STXBP5L: variants seen among roughly 807,000 people sequenced by gnomAD.
The protein encoded by STXBP5L is syntaxin binding protein 5L.
STXBP5L carries 65 observed loss-of-function variants against 144.5 expected under a neutral mutation model. The observed-to-expected ratio is 0.45, with a 90% confidence interval of 0.37 to 0.55. STXBP5L has a LOEUF of 0.55. Among genes scored for constraint, STXBP5L ranks in the 20% least tolerant of loss-of-function variants. The pLI is 0.00. For missense variants in STXBP5L, 1,298 were observed against 1,405.5 expected (o/e 0.92, Z 1.22); for synonymous variants, 505 against 469.6 (o/e 1.08, Z -0.97).
chr3:121,284,046 T>C (rs1366930999), intron 19 of STXBP5L, among the ~76,000 whole-genome samples: 1 of 151,998 alleles, frequency 6.6e-6, no homozygotes, highest in Non-Finnish European at 1.5e-5. Flanking sequence ...GAAGCTAAAT[T>C]GGAGACTGAA....
intron 9 of STXBP5L, among the ~76,000 whole-genome samples, chr3:121,163,364 T>C (rs2046388577): frequency 6.6e-6 from 1 of 151,166 alleles, no homozygotes; most frequent in South Asian, 2.1e-4. Context: ...AAGTGGGGAA[T>C]TGAGCAGTGA....
At chr3:121,389,182 G>C (rs1026164319) in intron 22 of STXBP5L, among the ~76,000 whole-genome samples, 1 of 152,160 alleles carries the variant, frequency 6.6e-6, no homozygotes, top group Non-Finnish European at 1.5e-5. Context: ...TTGCGTAGAG[G>C]TGTTTATAGT....
At chr3:121,209,122 T>C (rs2048455194) in intron 10 of STXBP5L, among the ~76,000 whole-genome samples, 1 of 152,168 alleles carries the variant, frequency 6.6e-6, no homozygotes, top group Admixed American at 6.5e-5. Context: ...AGCTGCACAG[T>C]ATTATTCCAT....
intron 18 of STXBP5L, 31 bp from the exon 19 acceptor site, chr3:121,279,774 A>G: frequency 6.2e-7 from 1 of 1,606,700 alleles, no homozygotes; most frequent in African/African-American, 1.3e-5. Context: ...TTGTTGTGAT[A>G]CATTCTAGTT....
At chr3:121,189,822 T>A (rs147260417) in intron 9 of STXBP5L, among the ~76,000 whole-genome samples, 138 of 152,286 alleles carry the variant, frequency 9.1e-4, no homozygotes, top group Middle Eastern at 3.4e-3. Context: ...ATAATTTGCG[T>A]GTGAATAAAA....
chr3:121,270,421 T>C (rs1360360669), intron 18 of STXBP5L, among the ~76,000 whole-genome samples: 2 of 152,078 alleles, frequency 1.3e-5, no homozygotes, highest in East Asian at 1.9e-4. Context: ...TTAGTTTTCA[T>C]TTCTTCTTAG....
chr3:121,104,283 G>A (rs1026610247), intron 5 of STXBP5L, among the ~76,000 whole-genome samples: 4 of 152,116 alleles, frequency 2.6e-5, no homozygotes, highest in African/African-American at 9.7e-5. Flanking sequence ...TCATGCTCAT[G>A]GATGGGTAGA....
intron 20 of STXBP5L, among the ~76,000 whole-genome samples, chr3:121,347,748 G>T (rs560611777): frequency 2.0e-5 from 3 of 151,962 alleles, no homozygotes; most frequent in African/African-American, 4.8e-5. Context: ...TCATGATTTG[G>T]CTCTCTTTTT....
At chr3:121,267,441 C>G (rs1188082661) in intron 18 of STXBP5L, among the ~76,000 whole-genome samples, 2 of 152,122 alleles carry the variant, frequency 1.3e-5, no homozygotes, top group Admixed American at 6.6e-5. Context: ...AACATAAGAC[C>G]TGAAACTATA....
At chr3:120,957,588 A>T (rs533408522) in intron 3 of STXBP5L, among the ~76,000 whole-genome samples, 2 of 152,008 alleles carry the variant, frequency 1.3e-5, no homozygotes, top group South Asian at 4.2e-4. Flanking sequence ...CTGCTTTTCA[A>T]TTTTTTTCTT....
chr3:121,198,299 T>G (rs1187926597), intron 9 of STXBP5L, among the ~76,000 whole-genome samples: 1 of 152,234 alleles, frequency 6.6e-6, no homozygotes, highest in Non-Finnish European at 1.5e-5. Context: ...TTTTGAGAAG[T>G]GTCTGTTCAC....
rs141798371 is a variant in STXBP5L, at chr3:121,280,594, A to C, written c.2110+638A>C. Among the ~76,000 whole-genome samples the C allele has an allele frequency of 4.5e-3, 690 of 152,100 alleles. 4 individuals are homozygous for C. Among genetic ancestry groups the C allele is most frequent in the African/African-American group, 0.016 (659 of 41,560 alleles). ...TTAGGATTTAATGCCAAACTTTGAT[A>C]TGCCAATTATCCAAAGTTTTACTGA... On this transcript the variant is annotated intron_variant, in intron 19 of 26. Coordinates refer to ENST00000471454, the MANE Select transcript of STXBP5L (RefSeq NM_001308330.2).
intron 9 of STXBP5L, among the ~76,000 whole-genome samples, chr3:121,184,339 A>C (rs1270685386): frequency 6.6e-6 from 1 of 152,026 alleles, no homozygotes; most frequent in Non-Finnish European, 1.5e-5. Flanking sequence ...GAAATTGCTA[A>C]CTAGAATAAC....
intron 2 of STXBP5L, among the ~76,000 whole-genome samples, chr3:120,916,973 A>G (rs1327939397): frequency 1.3e-5 from 2 of 152,182 alleles, no homozygotes; most frequent in Non-Finnish European, 2.9e-5. Flanking sequence ...AGTTAGATTG[A>G]GTCTGGGGGA....
intron 3 of STXBP5L, among the ~76,000 whole-genome samples, chr3:121,004,249 T>C (rs1944059090): frequency 1.3e-5 from 2 of 151,892 alleles, no homozygotes; most frequent in South Asian, 4.1e-4. Context: ...GTAGCTCTCC[T>C]TGAAGAGGTC....
At chr3:121,306,431 C>T (rs999065803) in intron 19 of STXBP5L, among the ~76,000 whole-genome samples, 42 of 152,130 alleles carry the variant, frequency 2.8e-4, no homozygotes, top group African/African-American at 9.7e-4. Context: ...ATTGCCCTTA[C>T]CCCATCTTGC....
chr3:121,120,807 TATA>T (rs2107848197), intron 6 of STXBP5L, among the ~76,000 whole-genome samples: 1 of 151,442 alleles, frequency 6.6e-6, no homozygotes, highest in South Asian at 2.1e-4. Flanking sequence ...ACTGTGTTAA[TATA>T]ATCATAAGAA....
intron 3 of STXBP5L, among the ~76,000 whole-genome samples, chr3:121,000,993 G>A (rs954693043): frequency 6.6e-6 from 1 of 152,168 alleles, no homozygotes; most frequent in African/African-American, 2.4e-5. Context: ...GTACTCAGCC[G>A]GGGTGGCGGG....
chr3:120,994,618 C>T (rs1258241437), intron 3 of STXBP5L, among the ~76,000 whole-genome samples: 1 of 152,098 alleles, frequency 6.6e-6, no homozygotes, highest in Non-Finnish European at 1.5e-5. Context: ...ACCCTTGCCT[C>T]TCTGAGATAA....
Sources: gnomAD v4.1 joint callset for allele counts (sites outside exome capture counted in the v4.1 genomes callset) on GRCh38, gnomAD v4.1.1 for gene constraint, MANE v1.5 for transcripts, NCBI Gene and HGNC (gene_info 2026-07-23, HGNC 2026-07-21) for gene names.